ARHGAP15: variants seen among roughly 807,000 people sequenced by gnomAD.
The protein encoded by ARHGAP15 is Rho GTPase activating protein 15.
ARHGAP15 carries 51 observed loss-of-function variants against 63.7 expected under a neutral mutation model. That is an observed-to-expected ratio of 0.80 (90% CI 0.64 to 1.01). ARHGAP15 has a LOEUF of 1.01. Ranked by LOEUF, ARHGAP15 falls within the 50% of genes least tolerant of loss-of-function variation. The probability of loss-of-function intolerance (pLI) is 0.00; values close to 1 mark genes in which losing one functional copy is unlikely to be tolerated. For synonymous variants in ARHGAP15, 191 were observed against 193.8 expected, an observed-to-expected ratio of 0.99 and a Z score of 0.12; for missense variants, 560 against 564.6, an observed-to-expected ratio of 0.99 and a Z score of 0.08.
intron 13 of ARHGAP15, among the ~76,000 whole-genome samples, chr2:143,729,334 G>T (rs1277302710): frequency 6.6e-6 from 1 of 152,158 alleles, no homozygotes; most frequent in Non-Finnish European, 1.5e-5. Context: ...TCTGCTTGTT[G>T]TTCACTGGTC....
intron 12 of ARHGAP15, among the ~76,000 whole-genome samples, chr2:143,640,292 T>A (rs1223446206): frequency 6.6e-6 from 1 of 152,028 alleles, no homozygotes. Context: ...AAATGGGGAA[T>A]CAGAAGGAAG....
intron 6 of ARHGAP15, among the ~76,000 whole-genome samples, chr2:143,262,271 A>G (rs1680758596): frequency 6.6e-6 from 1 of 152,178 alleles, no homozygotes. Flanking sequence ...CTCATGTTAA[A>G]TCTAATCTGT....
At chr2:143,203,591 GTAACAAA>G (rs1353543056) in intron 3 of ARHGAP15, among the ~76,000 whole-genome samples, 1 of 152,008 alleles carries the variant, frequency 6.6e-6, no homozygotes, top group Non-Finnish European at 1.5e-5. Context: ...GTATATCCAT[GTAACAAA>G]TAAGCACATA....
intron 12 of ARHGAP15, among the ~76,000 whole-genome samples, chr2:143,691,264 G>A (rs545571067): frequency 4.6e-5 from 7 of 152,260 alleles, no homozygotes; most frequent in East Asian, 1.9e-4. Flanking sequence ...GACATCTGCC[G>A]AGGTTGGAGC....
In ARHGAP15 at chr2:143,705,159, A is replaced by T. The variant is rs1684268860; in HGVS notation, c.1244+1635A>T. Among the ~76,000 whole-genome samples the T allele has an allele frequency of 1.3e-5, 2 of 152,222 alleles. 1 individual carries two copies. The highest frequency in any genetic ancestry group is 4.8e-5 in the African/African-American group (2 of 41,468). ...TAGTATTTCATGGTATACACAGTCCATAACTTGCTAAACCAGTTCATTGCG... is the reference window on the plus strand; with the variant it reads ...TAGTATTTCATGGTATACACAGTCCTTAACTTGCTAAACCAGTTCATTGCG... On this transcript the variant is annotated intron_variant, in intron 13 of 13. Coordinates refer to ENST00000295095, the MANE Select transcript of ARHGAP15 (RefSeq NM_018460.4).
intron 11 of ARHGAP15, among the ~76,000 whole-genome samples, chr2:143,587,427 T>G (rs533876417): frequency 6.6e-5 from 10 of 152,310 alleles, no homozygotes; most frequent in Admixed American, 5.2e-4. Flanking sequence ...GTTTTGGGAA[T>G]GTTTTGAAAG....
intron 9 of ARHGAP15, among the ~76,000 whole-genome samples, chr2:143,488,358 G>C (rs1367172636): frequency 6.6e-6 from 1 of 152,164 alleles, no homozygotes; most frequent in East Asian, 1.9e-4. Flanking sequence ...TCAAATGAAA[G>C]GATGAATGGA....
chr2:143,621,608 G>A (rs572648375), intron 11 of ARHGAP15, among the ~76,000 whole-genome samples: 24 of 152,246 alleles, frequency 1.6e-4, no homozygotes, highest in Admixed American at 7.2e-4. Flanking sequence ...GCTACTTGCC[G>A]AAGGGCTACA....
intron 10 of ARHGAP15, among the ~76,000 whole-genome samples, chr2:143,523,893 A>G (rs1008384363): frequency 2.6e-5 from 4 of 152,152 alleles, no homozygotes; most frequent in African/African-American, 9.7e-5. Flanking sequence ...GAGAAATTGT[A>G]TGTCATATGC....
intron 6 of ARHGAP15, among the ~76,000 whole-genome samples, chr2:143,410,649 T>G (rs1688402020): frequency 6.6e-6 from 1 of 151,824 alleles, no homozygotes; most frequent in African/African-American, 2.4e-5. Context: ...ATATCCTAAT[T>G]TAATGAGACT....
chr2:143,711,266 G>A (rs559293027), intron 13 of ARHGAP15, among the ~76,000 whole-genome samples: 5 of 152,262 alleles, frequency 3.3e-5, no homozygotes, highest in Non-Finnish European at 5.9e-5. Context: ...GTATCTTATC[G>A]TCTCCTGAGG....
rs189871474 is a variant in ARHGAP15 at position 143,660,027 on chromosome 2, C to T, written c.1138+35760C>T. Among the ~76,000 whole-genome samples, 41 of 152,236 alleles carry T rather than the reference C, an allele frequency of 2.7e-4. No individual in the cohort carries two copies. In the East Asian group the frequency reaches 7.2e-3, roughly 27 times the overall value. On this transcript the variant is annotated intron_variant, in intron 12 of 13. Transcript: ENST00000295095. ...ATTGTTCCTAATCTGTGGGTAGACA[C>T]GTGGTCTGTGTTCCAAAATACAACA...
intron 7 of ARHGAP15, among the ~76,000 whole-genome samples, chr2:143,436,378 C>T (rs928824530): frequency 6.6e-6 from 1 of 152,090 alleles, no homozygotes; most frequent in Admixed American, 6.6e-5. Context: ...TACTTAATTG[C>T]AAGCTTTCAT....
At chr2:143,147,528 G>C (rs183987064) in intron 1 of ARHGAP15, among the ~76,000 whole-genome samples, 1 of 151,916 alleles carries the variant, frequency 6.6e-6, no homozygotes, top group Non-Finnish European at 1.5e-5. Context: ...AATGGCGCAG[G>C]CATTTTCTTC....
intron 12 of ARHGAP15, among the ~76,000 whole-genome samples, chr2:143,684,708 G>T (rs1418125328): frequency 6.6e-6 from 1 of 152,176 alleles, no homozygotes; most frequent in Non-Finnish European, 1.5e-5. Flanking sequence ...AAGCTAACCG[G>T]TTAAATATGG....
chr2:143,218,693 T>C (rs1692868545), intron 4 of ARHGAP15, among the ~76,000 whole-genome samples: 1 of 152,200 alleles, frequency 6.6e-6, no homozygotes, highest in Non-Finnish European at 1.5e-5. Context: ...GATGGGCATA[T>C]GTCCTGAGAG....
intron 11 of ARHGAP15, among the ~76,000 whole-genome samples, chr2:143,613,651 C>T (rs139480915): frequency 1.1e-3 from 166 of 152,298 alleles, no homozygotes; most frequent in Middle Eastern, 6.8e-3. Flanking sequence ...CACAAAAATT[C>T]GTCTCTGAAC....
At chr2:143,741,811 C>G (rs1272158604) in intron 13 of ARHGAP15, among the ~76,000 whole-genome samples, 1 of 152,172 alleles carries the variant, frequency 6.6e-6, no homozygotes, top group Non-Finnish European at 1.5e-5. Flanking sequence ...TGCAGAAATG[C>G]CGGAGCATCT....
At chr2:143,444,405 C>A (rs1294585863) in intron 8 of ARHGAP15, among the ~76,000 whole-genome samples, 3 of 152,154 alleles carry the variant, frequency 2.0e-5, no homozygotes, top group Non-Finnish European at 4.4e-5. Context: ...ATATAATCAT[C>A]ATTCATTGTT....
Sources: allele counts gnomAD v4.1 joint callset (sites outside exome capture counted in the v4.1 genomes callset), GRCh38; gene constraint gnomAD v4.1.1; transcripts MANE v1.5; gene names NCBI Gene and HGNC (gene_info 2026-07-23, HGNC 2026-07-21).